Variants in DLGAP1 observed in about 807,000 individuals in gnomAD.
DLGAP1 encodes the protein disks large-associated protein 1.
In DLGAP1, 11 loss-of-function variants were observed where a neutral mutation model predicts 90.8. The observed-to-expected ratio is 0.12, with a 90% CI of 0.08 to 0.20. DLGAP1 has a LOEUF of 0.20. Ranked by LOEUF, DLGAP1 falls within the 10% of genes least tolerant of loss-of-function variation. The probability of loss-of-function intolerance (pLI) is 1.00; values close to 1 mark genes in which losing one functional copy is unlikely to be tolerated. For missense variants in DLGAP1, 1,050 were observed against 1,333.8 expected (o/e 0.79, Z 3.31); for synonymous variants, 558 against 540.7 (o/e 1.03, Z -0.44).
At chr18:4,098,304 T>G (rs1198565252) in intron 2 of DLGAP1, among the ~76,000 whole-genome samples, 1 of 152,198 alleles carries the variant, frequency 6.6e-6, no homozygotes, top group East Asian at 1.9e-4. Flanking sequence ...CATGAGTATT[T>G]AAGTTACAAA....
intron 1 of DLGAP1, among the ~76,000 whole-genome samples, chr18:4,366,447 C>G (rs1386629964): frequency 6.6e-6 from 1 of 152,000 alleles, no homozygotes; most frequent in African/African-American, 2.4e-5. Flanking sequence ...CATGCACTGT[C>G]AATACAAGAA....
At position 3,665,168 on chromosome 18, in the gene DLGAP1, C is replaced by G. The variant is rs143632187; in HGVS notation, c.1591+63967G>C. Among the ~76,000 whole-genome samples the G allele has an allele frequency of 2.6e-4, 40 of 152,208 alleles. No individual in the cohort carries two copies. The East Asian group carries it at 6.9e-3, about 26-fold the overall frequency. On this transcript the variant is annotated intron_variant, in intron 7 of 12. Coordinates refer to ENST00000315677, the MANE Select transcript of DLGAP1 (RefSeq NM_004746.4). ...CTTTAGTTGGAAATTAGGGAGCTCT[C>G]CTAAAAGTCTAAAGAAAATCGTGGA...
chr18:4,312,870 T>C (rs1055593782), intron 1 of DLGAP1, among the ~76,000 whole-genome samples: 4 of 152,206 alleles, frequency 2.6e-5, no homozygotes, highest in African/African-American at 9.7e-5. Flanking sequence ...AAAATTTGTT[T>C]AGGGAAAATG....
rs145299144 is a variant in DLGAP1 at position 3,786,809 on chromosome 18, T to G, written c.1172+27250A>C. ...AAACAAGACATTTCAGCTCAATAAA[T>G]TTTTGGACAATGTCTCCTCTAGTTA... On this transcript the variant is annotated intron_variant, in intron 5 of 12. Transcript: ENST00000315677. 4.3e-4 allele frequency among the ~76,000 whole-genome samples: 66 copies of G among 152,308 alleles called. 4 individuals are homozygous for G. The East Asian group carries it at 0.013, about 29-fold the overall frequency.
At chr18:3,782,799 A>C (rs1270370147) in intron 5 of DLGAP1, among the ~76,000 whole-genome samples, 2 of 152,190 alleles carry the variant, frequency 1.3e-5, no homozygotes, top group African/African-American at 2.4e-5. Context: ...TTGTTTTTTA[A>C]ATGTTGGACT....
intron 3 of DLGAP1, among the ~76,000 whole-genome samples, chr18:3,901,498 C>T (rs951124139): frequency 1.3e-5 from 2 of 152,086 alleles, no homozygotes; most frequent in East Asian, 3.9e-4. Context: ...CATGAAGGAA[C>T]CCTGGAGCTG....
At chr18:4,366,563 T>C (rs1233095606) in intron 1 of DLGAP1, among the ~76,000 whole-genome samples, 1 of 151,736 alleles carries the variant, frequency 6.6e-6, no homozygotes, top group African/African-American at 2.4e-5. Context: ...TATTAAAGTG[T>C]CATTGGGGAA....
intron 3 of DLGAP1, among the ~76,000 whole-genome samples, chr18:3,917,212 C>T (rs140269792): frequency 3.3e-4 from 50 of 152,320 alleles, no homozygotes; most frequent in African/African-American, 1.1e-3. Flanking sequence ...TTTCAATTTA[C>T]AATAGGTTTA....
intron 10 of DLGAP1, among the ~76,000 whole-genome samples, chr18:3,524,920 G>A (rs1395132529): frequency 6.6e-6 from 1 of 152,150 alleles, no homozygotes; most frequent in African/African-American, 2.4e-5. Flanking sequence ...CATAGAAAAC[G>A]TGGATCTGTT....
intron 7 of DLGAP1, among the ~76,000 whole-genome samples, chr18:3,685,023 C>T (rs1409794357): frequency 2.0e-5 from 3 of 152,152 alleles, no homozygotes; most frequent in Non-Finnish European, 4.4e-5. Flanking sequence ...TTATAAAGCG[C>T]TAATTTTCCC....
rs1257752029 is a variant in DLGAP1 at position 3,938,403 on chromosome 18, G to T, written c.-72-58263C>A. 2.0e-5 allele frequency among the ~76,000 whole-genome samples: 3 copies of T among 152,144 alleles called. No individual in the cohort carries two copies. In the East Asian group the frequency reaches 5.8e-4, roughly 29 times the overall value. On this transcript the variant is annotated intron_variant, in intron 3 of 12. Coordinates refer to ENST00000315677, the MANE Select transcript of DLGAP1 (RefSeq NM_004746.4). ...AGGGGATGAGAAAAAGCCTCTCTGA[G>T]GAGGAGACGTTCAAGCTGAGACTTA...
At chr18:4,118,180 A>T (rs1441928911) in intron 2 of DLGAP1, among the ~76,000 whole-genome samples, 1 of 152,006 alleles carries the variant, frequency 6.6e-6, no homozygotes, top group Non-Finnish European at 1.5e-5. Context: ...AATGTCCTTA[A>T]GCATGGAATT....
intron 5 of DLGAP1, among the ~76,000 whole-genome samples, chr18:3,810,802 T>TATTA (rs758005116): frequency 1.1e-4 from 16 of 152,104 alleles, no homozygotes; most frequent in African/African-American, 1.9e-4. Context: ...CTGGTTAAAC[T>TATTA]ATTAATTAAT....
chr18:3,871,777 T>A (rs1381815669), intron 4 of DLGAP1, among the ~76,000 whole-genome samples: 3 of 152,194 alleles, frequency 2.0e-5, no homozygotes, highest in Non-Finnish European at 4.4e-5. Context: ...TGGATCTGAG[T>A]TCATGAATCA....
At chr18:3,791,863 G>A (rs1256188892) in intron 5 of DLGAP1, among the ~76,000 whole-genome samples, 2 of 152,086 alleles carry the variant, frequency 1.3e-5, no homozygotes, top group African/African-American at 2.4e-5. Flanking sequence ...AGTGAGCTAT[G>A]ATTGTGCCAC....
chr18:4,231,618 A>T (rs989642), intron 1 of DLGAP1, among the ~76,000 whole-genome samples: 7 of 148,314 alleles, frequency 4.7e-5, no homozygotes, highest in Non-Finnish European at 9.0e-5. Flanking sequence ...TTTCAGTTCT[A>T]TTTTTTTTTT....
chr18:3,777,637 A>G (rs2064997939), intron 5 of DLGAP1, among the ~76,000 whole-genome samples: 1 of 152,148 alleles, frequency 6.6e-6, no homozygotes, highest in Non-Finnish European at 1.5e-5. Context: ...TCCTCTTGAA[A>G]AAACAAAAGA....
chr18:3,945,098 C>T (rs1428607182), intron 3 of DLGAP1, among the ~76,000 whole-genome samples: 4 of 152,148 alleles, frequency 2.6e-5, no homozygotes, highest in Non-Finnish European at 4.4e-5. Context: ...GGTCTGAATC[C>T]CACATGCTCT....
chr18:4,320,411 T>A (rs1488066357), intron 1 of DLGAP1, among the ~76,000 whole-genome samples: 1 of 152,218 alleles, frequency 6.6e-6, no homozygotes, highest in Non-Finnish European at 1.5e-5. Flanking sequence ...CTATAAATGA[T>A]ATATTCTGTC....
Sources: allele counts gnomAD v4.1 joint callset (sites outside exome capture counted in the v4.1 genomes callset), GRCh38; gene constraint gnomAD v4.1.1; transcripts MANE v1.5; gene names NCBI Gene and HGNC (gene_info 2026-07-23, HGNC 2026-07-21).